Variants in ME3 observed in about 807,000 individuals in gnomAD.
The protein encoded by ME3 is malic enzyme 3, also known as NADP-dependent malic enzyme, mitochondrial.
ME3 carries 48 observed loss-of-function variants against 68.9 expected under a neutral mutation model. The ratio of observed to expected loss-of-function variants is 0.70; its 90% CI spans 0.55 to 0.89. ME3 has a LOEUF of 0.89. Among genes scored for constraint, ME3 ranks in the 40% least tolerant of loss-of-function variants. The pLI is 0.00. For missense variants in ME3, 675 were observed against 797.4 expected (o/e 0.85, Z 1.85); for synonymous variants, 320 against 318.8 (o/e 1.00, Z -0.04).
chr11:86,662,179 G>C (rs183776258), intron 2 of ME3, among the ~76,000 whole-genome samples: 1 of 152,332 alleles, frequency 6.6e-6, no homozygotes, highest in Admixed American at 6.5e-5. Context: ...AGATAAGAGG[G>C]AACCTGCACA....
intron 2 of ME3, among the ~76,000 whole-genome samples, chr11:86,610,788 G>T (rs1285840858): frequency 1.3e-5 from 2 of 152,194 alleles, no homozygotes; most frequent in African/African-American, 4.8e-5. Flanking sequence ...TGAGCTTTGG[G>T]AGAAACAATG....
chr11:86,599,381 C>T (rs1399362240), intron 2 of ME3, among the ~76,000 whole-genome samples: 6 of 151,862 alleles, frequency 4.0e-5, no homozygotes, highest in South Asian at 2.1e-4. Flanking sequence ...TGAAATGAAG[C>T]GAGAAGGGAA....
intron 2 of ME3, among the ~76,000 whole-genome samples, chr11:86,580,705 G>A (rs1183506845): frequency 6.6e-6 from 1 of 152,190 alleles, no homozygotes; most frequent in African/African-American, 2.4e-5. Flanking sequence ...ATAAGTAGCA[G>A]AGCTGGAATG....
intron 6 of ME3, among the ~76,000 whole-genome samples, chr11:86,496,151 A>G (rs1952315464): frequency 6.6e-6 from 1 of 152,154 alleles, no homozygotes; most frequent in African/African-American, 2.4e-5. Flanking sequence ...CAAGTCTGCA[A>G]TCTCAGCACT....
chr11:86,500,472 A>G (rs975761092), intron 5 of ME3, among the ~76,000 whole-genome samples: 1 of 152,186 alleles, frequency 6.6e-6, no homozygotes, highest in Non-Finnish European at 1.5e-5. Flanking sequence ...CAGTTTCACA[A>G]CCAGACTCCT....
At chr11:86,460,486 C>T (rs553626152) in intron 8 of ME3, among the ~76,000 whole-genome samples, 2 of 152,318 alleles carry the variant, frequency 1.3e-5, no homozygotes, top group African/African-American at 4.8e-5. Context: ...GGATTGAATT[C>T]TATCTATCCA....
chr11:86,637,884 G>A (rs1307053515), intron 2 of ME3, among the ~76,000 whole-genome samples: 1 of 151,958 alleles, frequency 6.6e-6, no homozygotes, highest in East Asian at 1.9e-4. Context: ...GATGATTACA[G>A]GGCACAGGCT....
intron 2 of ME3, among the ~76,000 whole-genome samples, chr11:86,612,959 G>A (rs1053876167): frequency 6.6e-6 from 1 of 152,090 alleles, no homozygotes; most frequent in Non-Finnish European, 1.5e-5. Context: ...ATTGCTTTTG[G>A]TGTTTTAGTC....
intron 2 of ME3, among the ~76,000 whole-genome samples, chr11:86,656,309 T>C (rs987032159): frequency 6.6e-6 from 1 of 151,958 alleles, no homozygotes; most frequent in Non-Finnish European, 1.5e-5. Flanking sequence ...CATATGTTTA[T>C]TGTGGCACTA....
chr11:86,624,884 A>G (rs557538655), intron 2 of ME3, among the ~76,000 whole-genome samples: 95 of 152,304 alleles, frequency 6.2e-4, no homozygotes, highest in Admixed American at 1.8e-3. Flanking sequence ...CAGTATTGCA[A>G]AAGCCACAGA....
At chr11:86,661,774 C>T (rs1343144497) in intron 2 of ME3, among the ~76,000 whole-genome samples, 1 of 152,102 alleles carries the variant, frequency 6.6e-6, no homozygotes, top group Non-Finnish European at 1.5e-5. Flanking sequence ...TAGAATTGCC[C>T]CTTACTAACT....
At chr11:86,656,129 G>C (rs1432361749) in intron 2 of ME3, among the ~76,000 whole-genome samples, 1 of 135,990 alleles carries the variant, frequency 7.4e-6, no homozygotes, top group Non-Finnish European at 1.7e-5. Flanking sequence ...GGAGAAATAG[G>C]AACACTTTTA....
intron 4 of ME3, among the ~76,000 whole-genome samples, chr11:86,534,580 C>A (rs1955515890): frequency 6.6e-6 from 1 of 152,078 alleles, no homozygotes; most frequent in South Asian, 2.1e-4. Flanking sequence ...GAGACTGAGG[C>A]AGGAGAACTG....
At chr11:86,618,294 T>C (rs1943108335) in intron 2 of ME3, among the ~76,000 whole-genome samples, 2 of 25,254 alleles carry the variant, frequency 7.9e-5, no homozygotes, top group South Asian at 1.5e-3. Flanking sequence ...AGCAAGGCTC[T>C]GTCTCAAAAA....
chr11:86,619,425 T>C (rs933002860), intron 2 of ME3, among the ~76,000 whole-genome samples: 5 of 152,234 alleles, frequency 3.3e-5, no homozygotes, highest in Admixed American at 3.3e-4. Flanking sequence ...ATCTTACTTG[T>C]TGATAATGGT....
intron 2 of ME3, among the ~76,000 whole-genome samples, chr11:86,579,597 G>A (rs757076954): frequency 2.0e-5 from 3 of 152,192 alleles, no homozygotes; most frequent in Non-Finnish European, 4.4e-5. Flanking sequence ...GAGAACAACC[G>A]ATTCATGAAC....
At chr11:86,457,697 T>G in intron 8 of ME3, 2 of 1,288,876 alleles carry the variant, frequency 1.6e-6, no homozygotes, top group Non-Finnish European at 2.0e-6. Flanking sequence ...GGTCCAGGGA[T>G]GTGCTGGAAC....
chr11:86,441,188 C>A (rs1217318226), exon 15 of ME3: 7 of 1,243,670 alleles, frequency 5.6e-6, no homozygotes, highest in Non-Finnish European at 7.5e-6. Flanking sequence ...AACACAGCGA[C>A]AAGGATTCAC....
At chr11:86,641,203 T>C (rs1274335749) in intron 2 of ME3, among the ~76,000 whole-genome samples, 2 of 152,198 alleles carry the variant, frequency 1.3e-5, no homozygotes, top group African/African-American at 4.8e-5. Context: ...AAAAGTCTTC[T>C]TCTAACCCAT....
Sources: gnomAD v4.1 joint callset for allele counts (sites outside exome capture counted in the v4.1 genomes callset) on GRCh38, gnomAD v4.1.1 for gene constraint, MANE v1.5 for transcripts, NCBI Gene and HGNC (gene_info 2026-07-23, HGNC 2026-07-21) for gene names.